The following UGT1A6 variants were observed in gnomAD, a reference collection of about 807,000 sequenced individuals.
The protein encoded by UGT1A6 is UDP glucuronosyltransferase family 1 member A6.
In UGT1A6, 32 loss-of-function variants were observed where a neutral mutation model predicts 44.4. The ratio of observed to expected loss-of-function variants is 0.72; its 90% CI spans 0.54 to 0.97. The LOEUF is 0.97. Among genes scored for constraint, UGT1A6 ranks in the 50% least tolerant of loss-of-function variants. The pLI is 0.00. For missense variants in UGT1A6, 685 were observed against 661.9 expected, an observed-to-expected ratio of 1.03 and a Z score of -0.38; for synonymous variants, 238 against 248.5, an observed-to-expected ratio of 0.96 and a Z score of 0.40.
intron 1 of UGT1A6, among the ~76,000 whole-genome samples, chr2:233,707,245 T>C (rs1430790978): frequency 6.6e-6 from 1 of 152,158 alleles, no homozygotes. Flanking sequence ...ATTTCTCTTG[T>C]GTTTTTCTTC....
At chr2:233,723,956 C>G (rs1367171435) in intron 1 of UGT1A6, among the ~76,000 whole-genome samples, 1 of 55,390 alleles carries the variant, frequency 1.8e-5, no homozygotes, top group Non-Finnish European at 3.1e-5. Flanking sequence ...GGCAACCATC[C>G]GATTTCTCAA....
At chr2:233,721,643 G>A (rs953438688) in intron 1 of UGT1A6, 2 of 207,656 alleles carry the variant, frequency 9.6e-6, no homozygotes, top group Non-Finnish European at 2.0e-5. Context: ...TCTTGAATGT[G>A]GCAGTGGGGG....
At position 233,768,358 on chromosome 2, in the gene UGT1A6, G is replaced by A. The variant is rs770254031; in HGVS notation, c.1220G>A (p.Gly407Glu). Reference sequence around the variant, plus strand: ...AATGCAAAGCGCATGGAGACTAAGGGAGCTGGAGTGACCCTGAATGTTCTG... The same window carrying A: ...AATGCAAAGCGCATGGAGACTAAGGAAGCTGGAGTGACCCTGAATGTTCTG... ...MDNAKRMETK[G>E]AGVTLNVLEM... The change falls in exon 4 of 5, where the codon GGA becomes GAA. Residue 407 changes from glycine to glutamate, a missense_variant. Coordinates refer to ENST00000305139, the MANE Select transcript of UGT1A6 (RefSeq NM_001072.4). 8.7e-6 allele frequency: 14 copies of A among 1,614,148 alleles called. No individual in the cohort carries two copies. Among genetic ancestry groups the A allele is most frequent in the Non-Finnish European group, 7.6e-6 (9 of 1,180,042 alleles).
At chr2:233,701,951 A>C (rs1310876599) in intron 1 of UGT1A6, among the ~76,000 whole-genome samples, 1 of 152,230 alleles carries the variant, frequency 6.6e-6, no homozygotes, top group Non-Finnish European at 1.5e-5. Flanking sequence ...AAGCAAGAGC[A>C]AACACATTCA....
At chr2:233,714,005 A>C in intron 1 of UGT1A6, 1 of 1,542,996 alleles carries the variant, frequency 6.5e-7, no homozygotes, top group Non-Finnish European at 8.7e-7. Context: ...CAGTGAGATA[A>C]ACTTTTAAAG....
intron 1 of UGT1A6, among the ~76,000 whole-genome samples, chr2:233,722,845 CTTT>C (rs61550889): frequency 7.4e-6 from 1 of 135,338 alleles, no homozygotes. Flanking sequence ...AAGAATGTTT[CTTT>C]TTTTTTTTTT....
At position 233,757,558 on chromosome 2, in the gene UGT1A6, A is replaced by G. The variant is rs1013342289; in HGVS notation, c.862-9476A>G. ...GGAATATATATATATATATATATAT[A>G]TATGTATATATGATATAGCTATAGT... On this transcript the variant is annotated intron_variant, in intron 1 of 4. Transcript: ENST00000305139. Among the ~76,000 whole-genome samples the G allele has an allele frequency of 6.8e-4, 85 of 124,456 alleles. 2 individuals carry two copies. Among genetic ancestry groups the G allele is most frequent in the Admixed American group, 2.1e-3 (27 of 12,944 alleles). 81.6% of individuals were successfully genotyped at this position (124,456 alleles called of 152,430 possible).
At chr2:233,747,527 T>G (rs1237082221) in intron 1 of UGT1A6, 2 of 1,605,936 alleles carry the variant, frequency 1.2e-6, no homozygotes, top group African/African-American at 1.3e-5. Context: ...AAACAGAACA[T>G]TTTCTGAAGA....
chr2:233,733,686 T>A (rs1338920576), intron 1 of UGT1A6, among the ~76,000 whole-genome samples: 1 of 152,244 alleles, frequency 6.6e-6, no homozygotes, highest in African/African-American at 2.4e-5. Context: ...AACTTTTTGA[T>A]GTGCTGCTGG....
At chr2:233,729,605 TGCTG>T (rs755451015) in intron 1 of UGT1A6, 6 of 1,614,008 alleles carry the variant, frequency 3.7e-6, no homozygotes, top group South Asian at 1.1e-5. Context: ...TGCGCGGCAG[TGCTG>T]GCTAAGTACC....
chr2:233,730,030 G>T (rs1248063013), intron 1 of UGT1A6: 4 of 1,613,378 alleles, frequency 2.5e-6, no homozygotes, highest in Non-Finnish European at 3.4e-6. Flanking sequence ...AATGTTCCAG[G>T]CAAAACACTT....
chr2:233,730,639 T>C (rs1444875009), intron 1 of UGT1A6, among the ~76,000 whole-genome samples: 1 of 152,130 alleles, frequency 6.6e-6, no homozygotes, highest in African/African-American at 2.4e-5. Context: ...TGGTGCATGA[T>C]GTGGGGACAT....
At chr2:233,704,843 A>G (rs1329627923) in intron 1 of UGT1A6, among the ~76,000 whole-genome samples, 2 of 152,096 alleles carry the variant, frequency 1.3e-5, no homozygotes, top group Non-Finnish European at 2.9e-5. Context: ...AAATCAGTTA[A>G]GAGAATAGGG....
chr2:233,713,998 T>C, intron 1 of UGT1A6: 4 of 1,554,968 alleles, frequency 2.6e-6, no homozygotes, highest in Non-Finnish European at 3.5e-6. Context: ...TAGTCTTCAG[T>C]GAGATAAACT....
At chr2:233,760,983 C>G in intron 1 of UGT1A6, 2 of 1,614,178 alleles carry the variant, frequency 1.2e-6, no homozygotes, top group African/African-American at 1.3e-5. Context: ...CGTATGCAAC[C>G]CTTGCCTCAG....
Position 233,729,585 on chromosome 2 carries a change from C to T in UGT1A6, c.861+35720C>T, listed in dbSNP as rs138617806. ...CCTTTGATGTGGTTTTAACAGACCC[C>T]GTTAACCTCTGCGCGGCAGTGCTGG... On this transcript the variant is annotated intron_variant, in intron 1 of 4. Transcript: ENST00000305139. 5.8e-5 allele frequency: 94 copies of T among 1,614,084 alleles called. 1 individual carries two copies. Among genetic ancestry groups the T allele is most frequent in the East Asian group, 4.2e-4 (19 of 44,882 alleles).
chr2:233,718,950 A>C, intron 1 of UGT1A6: 2 of 1,614,178 alleles, frequency 1.2e-6, no homozygotes, highest in South Asian at 2.2e-5. Flanking sequence ...CTGGCTCAGC[A>C]TGCGGGAGGC....
At chr2:233,713,443 C>G (rs1477253039) in intron 1 of UGT1A6, 1 of 1,614,054 alleles carries the variant, frequency 6.2e-7, no homozygotes, top group African/African-American at 1.3e-5. Context: ...GTGGTTCTAA[C>G]AGACCCCTTT....
chr2:233,722,716 GT>G (rs1305467466), intron 1 of UGT1A6, among the ~76,000 whole-genome samples: 12 of 151,988 alleles, frequency 7.9e-5, no homozygotes, highest in Non-Finnish European at 1.5e-5. Flanking sequence ...TTAAATATCA[GT>G]TTTTAAATTT....
Sources: allele counts gnomAD v4.1 joint callset (sites outside exome capture counted in the v4.1 genomes callset), GRCh38; gene constraint gnomAD v4.1.1; transcripts MANE v1.5; gene names NCBI Gene and HGNC (gene_info 2026-07-23, HGNC 2026-07-21).